The following VPS33A variants were observed in gnomAD, a reference collection of about 807,000 sequenced individuals.
VPS33A encodes the protein VPS33A core subunit of CORVET and HOPS complexes, also known as vacuolar protein sorting-associated protein 33A.
VPS33A carries 32 observed loss-of-function variants against 71.8 expected under a neutral mutation model. That is an observed-to-expected ratio of 0.45 (90% CI 0.34 to 0.60). The LOEUF is 0.60. VPS33A is among the 20% of genes least tolerant of loss of function. VPS33A has a pLI of 0.02. For missense variants in VPS33A, 625 were observed against 748.5 expected (o/e 0.84, Z 1.92); for synonymous variants, 311 against 292.7 (o/e 1.06, Z -0.64).
At position 122,266,459 on chromosome 12, in the gene VPS33A, T is replaced by C; in HGVS notation, c.-51A>G. On this transcript the variant is annotated 5_prime_UTR_variant, in exon 1 of 13. Transcript: ENST00000267199. ...AACGCCAACCGAGTCCGCCGGTTCC[T>C]ACGGGAGGACCACGGACGCAGTCAC... 1.3e-6 allele frequency: 2 copies of C among 1,582,856 alleles called. No homozygotes were observed. Among genetic ancestry groups the C allele is most frequent in the Non-Finnish European group, 1.7e-6 (2 of 1,158,154 alleles).
At position 122,232,169 on chromosome 12, in the gene VPS33A, G is replaced by A. The variant is rs147761273; in HGVS notation, c.*77C>T. 1.4e-5 allele frequency: 19 copies of A among 1,388,438 alleles called. No individual in the cohort carries two copies. The African/African-American group carries it at 2.2e-4, about 16-fold the overall frequency. The allele number at this position is 1,388,438 out of a possible 1,614,324, so 86.0% of individuals were successfully genotyped here. A position where few individuals can be genotyped will look rare whatever the true frequency, so the allele number is the denominator to read the frequency against. On this transcript the variant is annotated 3_prime_UTR_variant, in exon 13 of 13. Transcript: ENST00000267199. ...TGTATTCCCATGTTTCTTCTATGGG[G>A]TTTTACTTCCTTTCAGCAATTTCTT...
chr12:122,247,194 ACATTAC>A (rs1459907336), intron 6 of VPS33A, among the ~76,000 whole-genome samples: 3 of 143,694 alleles, frequency 2.1e-5, no homozygotes, highest in Admixed American at 2.0e-4. Flanking sequence ...TGTTTGACTT[ACATTAC>A]GAAAAAACTT....
chr12:122,251,088 C>T lies in VPS33A; in HGVS notation c.495G>A (p.Leu165=), dbSNP rs1330520806. The T allele has an allele frequency of 2.5e-6, 4 of 1,613,652 alleles. No individual in the cohort carries two copies. The Admixed American group carries it at 5.0e-5, about 20-fold the overall frequency. Residue 165 remains leucine, a synonymous_variant, in exon 5 of 13, where the codon CTG becomes CTA. Coordinates refer to ENST00000267199, the MANE Select transcript of VPS33A (RefSeq NM_022916.6). ...ESEGAFKECY[L]EGDQTSLYHA... Reference sequence around the variant, plus strand: ...GGTACAGGCTCGTCTGGTCACCCTCCAGGTAGCACTCCTGTGAGGGAAAAG... The same window carrying T: ...GGTACAGGCTCGTCTGGTCACCCTCTAGGTAGCACTCCTGTGAGGGAAAAG...
rs60522170 is a variant in VPS33A, at chr12:122,232,676, G to A, written c.1609+124C>T. 2,467 of 1,281,344 alleles carry A rather than the reference G, an allele frequency of 1.9e-3. 22 individuals carry two copies. In the African/African-American group the frequency reaches 0.028, roughly 15 times the overall value. 79.4% of individuals were successfully genotyped at this position (1,281,344 alleles called of 1,614,324 possible). On this transcript the variant is annotated intron_variant, in intron 12 of 12. Transcript: ENST00000267199. The stretch of plus-strand genomic sequence containing the variant: ...AGTTCTTACTACATACATTAGCAAC[G>A]AACAAAAGAGGTGTATTTAATTCTG...
At chr12:122,250,889 T>A (rs1954833994) in intron 5 of VPS33A, 94 bp downstream of exon 5, 1 of 862,832 alleles carries the variant, frequency 1.2e-6, no homozygotes, top group Admixed American at 2.2e-5. Flanking sequence ...ATAATTAAGA[T>A]CAACTGAATT....
At chr12:122,256,972 G>A (rs974681646) in intron 4 of VPS33A, among the ~76,000 whole-genome samples, 3 of 152,056 alleles carry the variant, frequency 2.0e-5, no homozygotes, top group African/African-American at 7.3e-5. Flanking sequence ...AGAGAATAAC[G>A]CAACATACCA....
At chr12:122,258,942 G>A (rs547388470) in intron 4 of VPS33A, among the ~76,000 whole-genome samples, 4 of 140,636 alleles carry the variant, frequency 2.8e-5, no homozygotes, top group South Asian at 2.2e-4. Context: ...GATCGAGATC[G>A]CACCACTGTA....
intron 4 of VPS33A, among the ~76,000 whole-genome samples, chr12:122,258,378 T>G: frequency 6.6e-6 from 1 of 152,034 alleles, no homozygotes; most frequent in East Asian, 1.9e-4. Flanking sequence ...TTTAAAACTT[T>G]AGTGCATCGA....
chr12:122,244,911 A>G, intron 6 of VPS33A, 149 bp from the exon 7 acceptor site: 3 of 744,336 alleles, frequency 4.0e-6, no homozygotes, highest in East Asian at 5.4e-5. Context: ...TTCCATGATC[A>G]AAGTACAGGA....
intron 12 of VPS33A, 82 bp from the exon 13 acceptor site, chr12:122,232,509 T>G: frequency 7.2e-7 from 1 of 1,380,086 alleles, no homozygotes; most frequent in Non-Finnish European, 9.7e-7. Flanking sequence ...TTATCATTCA[T>G]AAGAATAAAC....
rs185401714 is a variant in VPS33A at position 122,230,110 on chromosome 12, T to C, written c.*2136A>G. On this transcript the variant is annotated 3_prime_UTR_variant, in exon 13 of 13. Coordinates refer to ENST00000267199, the MANE Select transcript of VPS33A (RefSeq NM_022916.6). The stretch of plus-strand genomic sequence containing the variant: ...GTATTTAAAAAAGGATTTTCTACAA[T>C]GAAAATGGTTTTCTTTAAGACATTT... The C allele has an allele frequency of 1.2e-3, 180 of 152,358 alleles. 2 individuals carry two copies. The highest frequency in any genetic ancestry group is 4.2e-3 in the African/African-American group (176 of 41,590). 9.4% of individuals were successfully genotyped at this position (152,358 alleles called of 1,614,324 possible).
In VPS33A at chr12:122,231,600, T is replaced by C. The variant is rs1187624688; in HGVS notation, c.*646A>G. On this transcript the variant is annotated 3_prime_UTR_variant, in exon 13 of 13. Coordinates refer to ENST00000267199, the MANE Select transcript of VPS33A (RefSeq NM_022916.6). ...TCAGTTTCACCTCCTCAGTCTCAGC[T>C]TTCTTATTTTAAGAGCTGGCCCCGT... is the stretch of plus-strand genomic sequence containing the variant. 1 of 152,354 alleles carries C rather than the reference T, an allele frequency of 6.6e-6. No individual in the cohort carries two copies. The highest frequency in any genetic ancestry group is 6.5e-5 in the Admixed American group (1 of 15,280). 9.4% of individuals were successfully genotyped at this position (152,354 alleles called of 1,614,324 possible). A position where few individuals can be genotyped will look rare whatever the true frequency, so the allele number is the denominator to read the frequency against.
intron 10 of VPS33A, among the ~76,000 whole-genome samples, chr12:122,236,214 G>A (rs1406102830): frequency 6.6e-6 from 1 of 151,934 alleles, no homozygotes; most frequent in African/African-American, 2.4e-5. Flanking sequence ...ATAAATGATA[G>A]TATATTTTTA....
At chr12:122,254,904 T>G (rs923631940) in intron 4 of VPS33A, among the ~76,000 whole-genome samples, 1 of 151,854 alleles carries the variant, frequency 6.6e-6, no homozygotes, top group Non-Finnish European at 1.5e-5. Context: ...CACAAAAAAT[T>G]AGCCAGTGTG....
intron 10 of VPS33A, among the ~76,000 whole-genome samples, chr12:122,236,186 A>C (rs1469777522): frequency 6.6e-6 from 1 of 152,174 alleles, no homozygotes; most frequent in African/African-American, 2.4e-5. Flanking sequence ...TTATGGACCC[A>C]ATCTAAGCAA....
chr12:122,264,643 G>A (rs1406299600), intron 1 of VPS33A: 2 of 152,332 alleles, frequency 1.3e-5, no homozygotes, highest in Admixed American at 6.5e-5. Flanking sequence ...CACCCGCCTC[G>A]TTCTTCCAAA....
intron 7 of VPS33A, among the ~76,000 whole-genome samples, chr12:122,244,311 A>G (rs551685926): frequency 6.6e-6 from 1 of 152,318 alleles, no homozygotes; most frequent in East Asian, 1.9e-4. Flanking sequence ...AATGTTTATG[A>G]TGGAAGTCTG....
chr12:122,247,822 C>T (rs1488161914), intron 6 of VPS33A, among the ~76,000 whole-genome samples: 1 of 152,056 alleles, frequency 6.6e-6, no homozygotes, highest in Admixed American at 6.6e-5. Flanking sequence ...ACCACGAGTC[C>T]GTTTCCCTCT....
At chr12:122,235,985 A>G in intron 10 of VPS33A, 62 bp from the exon 11 acceptor site, 1 of 1,548,300 alleles carries the variant, frequency 6.5e-7, no homozygotes, top group Non-Finnish European at 8.7e-7. Flanking sequence ...CAATTTTCAA[A>G]GAAGGGCACT....
Sources: gnomAD v4.1 joint callset for allele counts (sites outside exome capture counted in the v4.1 genomes callset) on GRCh38, gnomAD v4.1.1 for gene constraint, MANE v1.5 for transcripts, NCBI Gene and HGNC (gene_info 2026-07-23, HGNC 2026-07-21) for gene names.